The following THSD4 variants were observed in gnomAD, a reference collection of about 807,000 sequenced individuals.
The protein encoded by THSD4 is thrombospondin type-1 domain-containing protein 4.
Under a neutral mutation model 119.0 loss-of-function variants are expected in THSD4, and 69 were observed. That is an observed-to-expected ratio of 0.58 (90% CI 0.48 to 0.71). The LOEUF is 0.71. Ranked by LOEUF, THSD4 falls within the 30% of genes least tolerant of loss-of-function variation. The pLI, the probability that THSD4 is intolerant of heterozygous loss-of-function variation, is 0.00. For missense variants in THSD4, 1,393 were observed against 1,391.1 expected, an observed-to-expected ratio of 1.00 and a Z score of -0.02; for synonymous variants, 524 against 540.4, an observed-to-expected ratio of 0.97 and a Z score of 0.42.
chr15:71,634,471 TTAGG>T (rs1283538131), intron 7 of THSD4, among the ~76,000 whole-genome samples: 1 of 152,182 alleles, frequency 6.6e-6, no homozygotes, highest in African/African-American at 2.4e-5. Context: ...GAATGAGTAT[TTAGG>T]TAAGCACAAG....
intron 5 of THSD4, among the ~76,000 whole-genome samples, chr15:71,250,301 A>T (rs1423365352): frequency 6.6e-6 from 1 of 152,148 alleles, no homozygotes; most frequent in African/African-American, 2.4e-5. Context: ...GCCACTAAGA[A>T]ATGTGTGCTC....
At chr15:71,216,838 C>T (rs1054418290) in intron 4 of THSD4, among the ~76,000 whole-genome samples, 2 of 152,226 alleles carry the variant, frequency 1.3e-5, no homozygotes, top group African/African-American at 4.8e-5. Flanking sequence ...CACGCTGTCA[C>T]CCAGGTTGGA....
intron 6 of THSD4, among the ~76,000 whole-genome samples, chr15:71,294,570 G>A (rs1442456663): frequency 6.6e-6 from 1 of 152,120 alleles, no homozygotes; most frequent in Non-Finnish European, 1.5e-5. Context: ...CAGGCTGCAT[G>A]TCTCTGTGAG....
chr15:71,139,029 A>G (rs1422498385), intron 1 of THSD4, among the ~76,000 whole-genome samples: 2 of 150,814 alleles, frequency 1.3e-5, no homozygotes, highest in Admixed American at 6.6e-5. Flanking sequence ...CAGCTAGTTA[A>G]TAAATGTGAA....
chr15:71,760,602 C>G (rs770474358), intron 15 of THSD4, among the ~76,000 whole-genome samples: 26 of 152,202 alleles, frequency 1.7e-4, no homozygotes, highest in Non-Finnish European at 2.5e-4. Context: ...CTTAGATTGT[C>G]TTAGTTCCGG....
intron 7 of THSD4, among the ~76,000 whole-genome samples, chr15:71,597,128 TG>T (rs1355006468): frequency 3.9e-5 from 6 of 152,254 alleles, no homozygotes; most frequent in African/African-American, 1.4e-4. Flanking sequence ...ATCTTGTTTC[TG>T]GGTGGGGCCA....
At chr15:71,151,849 T>C (rs28710783) in intron 2 of THSD4, among the ~76,000 whole-genome samples, 1 of 152,158 alleles carries the variant, frequency 6.6e-6, no homozygotes, top group Admixed American at 6.5e-5. Flanking sequence ...AGTGAGAAGG[T>C]GAATCATTTT....
chr15:71,536,006 C>G (rs1322231123), intron 7 of THSD4, among the ~76,000 whole-genome samples: 1 of 152,114 alleles, frequency 6.6e-6, no homozygotes, highest in Non-Finnish European at 1.5e-5. Flanking sequence ...ATCACCTAAC[C>G]CAAGCTCATG....
chr15:71,349,897 T>C (rs1289106352), intron 6 of THSD4, among the ~76,000 whole-genome samples: 1 of 150,954 alleles, frequency 6.6e-6, no homozygotes, highest in Non-Finnish European at 1.5e-5. Context: ...AGGAAGGAGG[T>C]GGAGGGCGAA....
intron 7 of THSD4, among the ~76,000 whole-genome samples, chr15:71,426,105 C>A (rs2046863258): frequency 6.6e-6 from 1 of 152,206 alleles, no homozygotes; most frequent in Non-Finnish European, 1.5e-5. Flanking sequence ...TCTGCACAAC[C>A]TCTGGTCAGT....
rs2040357714 is a variant in THSD4 at position 71,115,965 on chromosome 15, C to T, written c.-80+267C>T. Among the ~76,000 whole-genome samples, 1 of 152,208 alleles carries T rather than the reference C, an allele frequency of 6.6e-6. No individual in the cohort carries two copies. Among genetic ancestry groups the T allele is most frequent in the South Asian group, 2.1e-4 (1 of 4,838 alleles). ...GCTCTGTGCTGGCGCCGGCGCTCAT[C>T]CCTCCACCCTCGACTCTAGGGACAG... is the stretch of plus-strand genomic sequence containing the variant. On this transcript the variant is annotated intron_variant, in intron 1 of 17. Transcript: ENST00000261862. This position sits in a 1 kb window ranked among gnomAD's most constrained non-coding sequence, Gnocchi z 4.4.
chr15:71,103,170 A>G (rs564251936), intron 1 of THSD4, among the ~76,000 whole-genome samples: 27 of 151,484 alleles, frequency 1.8e-4, no homozygotes, highest in African/African-American at 6.5e-4. Context: ...TTGAAGCAGG[A>G]AATGAAACAG....
chr15:71,731,167 T>A lies in THSD4; in HGVS notation c.1580T>A (p.Ile527Asn). 1 of 1,614,176 alleles carries A rather than the reference T, an allele frequency of 6.2e-7. No individual in the cohort carries two copies. The highest frequency in any genetic ancestry group is 8.5e-7 in the Non-Finnish European group (1 of 1,180,028). Residue 527 changes from isoleucine to asparagine, a missense_variant, in exon 10 of 18, where the codon ATC (isoleucine) becomes AAC (asparagine). Coordinates refer to ENST00000261862, the MANE Select transcript of THSD4 (RefSeq NM_024817.3). ...CCAGGCGTGCACTACGAGTACGTGATCATGGGGACCAACGCCATCAGCCCC... is the reference window on the plus strand; with the variant it reads ...CCAGGCGTGCACTACGAGTACGTGAACATGGGGACCAACGCCATCAGCCCC... Reference protein sequence around the residue: ...PNPGVHYEYVIMGTNAISPQV... With the variant: ...PNPGVHYEYVNMGTNAISPQV...
At chr15:71,656,534 C>T (rs1168210311) in intron 7 of THSD4, among the ~76,000 whole-genome samples, 1 of 152,196 alleles carries the variant, frequency 6.6e-6, no homozygotes, top group East Asian at 1.9e-4. Flanking sequence ...AAGCCAGAGT[C>T]ACTTCTAGGC....
intron 6 of THSD4, among the ~76,000 whole-genome samples, chr15:71,262,053 G>C (rs185501678): frequency 1.3e-5 from 2 of 152,020 alleles, no homozygotes; most frequent in Non-Finnish European, 2.9e-5. Flanking sequence ...ATTTTGCATC[G>C]GGCTCTTGGT....
At chr15:71,213,560 G>T (rs2043905061) in intron 3 of THSD4, among the ~76,000 whole-genome samples, 1 of 152,192 alleles carries the variant, frequency 6.6e-6, no homozygotes, top group South Asian at 2.1e-4. Flanking sequence ...GACCTGTGAT[G>T]TGTTTTCCCT....
At chr15:71,663,268 GA>G (rs1269282050) in intron 8 of THSD4, among the ~76,000 whole-genome samples, 2 of 151,730 alleles carry the variant, frequency 1.3e-5, no homozygotes, top group Non-Finnish European at 2.9e-5. Context: ...AAAAGAAAAA[GA>G]AAAAAGTCAA....
Position 71,739,534 on chromosome 15 carries a change from C to T in THSD4, c.1906+1527C>T, listed in dbSNP as rs987767112. Among the ~76,000 whole-genome samples, 8 of 152,172 alleles carry T rather than the reference C, an allele frequency of 5.3e-5. No homozygotes were observed. In the East Asian group the frequency reaches 1.5e-3, roughly 29 times the overall value. On this transcript the variant is annotated intron_variant, in intron 11 of 17. Coordinates refer to ENST00000261862, the MANE Select transcript of THSD4 (RefSeq NM_024817.3). ...ATGTGGAATGTGCTGTCCAGAAACC[C>T]TTTATCTGACATTCCATACCAGATT... is the stretch of plus-strand genomic sequence containing the variant.
chr15:71,627,273 T>A (rs1174628602), intron 7 of THSD4, among the ~76,000 whole-genome samples: 4 of 152,242 alleles, frequency 2.6e-5, no homozygotes, highest in African/African-American at 9.6e-5. Flanking sequence ...AGGAAGATGT[T>A]CAGCTCATAT....
Sources: allele counts gnomAD v4.1 joint callset (sites outside exome capture counted in the v4.1 genomes callset), GRCh38; gene constraint gnomAD v4.1.1; non-coding constraint Gnocchi (gnomAD v3.1); transcripts MANE v1.5; gene names NCBI Gene and HGNC (gene_info 2026-07-23, HGNC 2026-07-21).